ZNF236: variants seen among roughly 807,000 people sequenced by gnomAD.
The protein encoded by ZNF236 is zinc finger protein 236, also known as regulated by glucose.
A neutral mutation model predicts 191.2 loss-of-function variants in ZNF236; 50 were observed. That is an observed-to-expected ratio of 0.26 (90% CI 0.21 to 0.33). The LOEUF (loss-of-function observed/expected upper bound fraction) is 0.33, where lower values mean the gene tolerates loss of function less well. Among genes scored for constraint, ZNF236 ranks in the 10% least tolerant of loss-of-function variants. The pLI is 1.00. For synonymous variants in ZNF236, 907 were observed against 928.8 expected, an observed-to-expected ratio of 0.98 and a Z score of 0.43; for missense variants, 1,754 against 2,374.5, an observed-to-expected ratio of 0.74 and a Z score of 5.43.
chr18:76,967,745 G>T (rs970408786), intron 30 of ZNF236, among the ~76,000 whole-genome samples: 1 of 146,410 alleles, frequency 6.8e-6, no homozygotes, highest in Non-Finnish European at 1.5e-5. Flanking sequence ...AGGCTTGCAG[G>T]TGTTCTTTGG....
At chr18:76,955,138 G>C (rs534508282) in intron 27 of ZNF236, among the ~76,000 whole-genome samples, 3 of 152,322 alleles carry the variant, frequency 2.0e-5, no homozygotes, top group Admixed American at 6.5e-5. Context: ...GCCAGGTACA[G>C]TGTCTCACAC....
intron 5 of ZNF236, among the ~76,000 whole-genome samples, chr18:76,874,124 G>A (rs1053223891): frequency 2.6e-5 from 4 of 151,980 alleles, no homozygotes; most frequent in African/African-American, 9.7e-5. Flanking sequence ...CCCCATGCAG[G>A]CAGAGCCGTG....
intron 1 of ZNF236, among the ~76,000 whole-genome samples, chr18:76,827,129 C>G (rs775895432): frequency 3.9e-5 from 6 of 152,118 alleles, no homozygotes; most frequent in Admixed American, 6.5e-5. Context: ...CTCCTGACCT[C>G]GGGTGATCCT....
At position 76,920,078 on chromosome 18, in the gene ZNF236, G is replaced by A. The variant is rs776128956; in HGVS notation, c.3557+20G>A. ...GGTGAGGTGAGGGCATGGCTACGCC[G>A]CGCGGGTTCCGCTCTGAAGACTGGA... On this transcript the variant is annotated intron_variant, in intron 20 of 30. Coordinates refer to ENST00000320610, the MANE Select transcript of ZNF236 (RefSeq NM_001306089.2). 8.1e-5 allele frequency: 130 copies of A among 1,603,938 alleles called. No individual in the cohort carries two copies. The highest frequency in any genetic ancestry group is 4.4e-5 in the South Asian group (4 of 90,340).
intron 1 of ZNF236, among the ~76,000 whole-genome samples, chr18:76,823,583 C>T (rs1003875138): frequency 7.9e-5 from 12 of 152,210 alleles, no homozygotes; most frequent in African/African-American, 2.9e-4. Flanking sequence ...GTAATTTATT[C>T]TCCATGGTAC....
chr18:76,934,981 G>A (rs1967956144), intron 25 of ZNF236, among the ~76,000 whole-genome samples: 1 of 152,200 alleles, frequency 6.6e-6, no homozygotes, highest in African/African-American at 2.4e-5. Context: ...GAATCATAAA[G>A]TCAGACTTGT....
At chr18:76,849,689 T>A in intron 2 of ZNF236, 21 bp downstream of exon 2, 2 of 1,504,068 alleles carry the variant, frequency 1.3e-6, no homozygotes, top group Admixed American at 2.4e-5. Context: ...TCAAAGGTGA[T>A]GTCAGGAATG....
chr18:76,887,847 T>C (rs1977103407), intron 9 of ZNF236: 1 of 152,244 alleles, frequency 6.6e-6, no homozygotes, highest in Admixed American at 6.5e-5. Context: ...CCACGACATG[T>C]GGGGATTATT....
At chr18:76,862,652 C>T (rs964694283) in intron 3 of ZNF236, among the ~76,000 whole-genome samples, 4 of 152,170 alleles carry the variant, frequency 2.6e-5, no homozygotes, top group Admixed American at 2.6e-4. Context: ...TTGGGCCTCC[C>T]TCCCCATCAG....
At chr18:76,873,032 TTTTA>T (rs1282033869) in intron 5 of ZNF236, among the ~76,000 whole-genome samples, 1 of 152,206 alleles carries the variant, frequency 6.6e-6, no homozygotes, top group African/African-American at 2.4e-5. Context: ...GAGCATCAGT[TTTTA>T]TTTATTTTCT....
At chr18:76,907,305 T>C (rs1296477220) in intron 13 of ZNF236, among the ~76,000 whole-genome samples, 1 of 152,224 alleles carries the variant, frequency 6.6e-6, no homozygotes, top group Non-Finnish European at 1.5e-5. Context: ...GTATGGTCTG[T>C]GTGTGCAGAG....
Position 76,928,105 on chromosome 18 carries a change from C to T in ZNF236, c.4593C>T (p.Ser1531=), listed in dbSNP as rs181077983. 2.9e-4 allele frequency: 459 copies of T among 1,604,838 alleles called. 1 individual carries two copies. Among genetic ancestry groups the T allele is most frequent in the African/African-American group, 6.0e-4 (45 of 74,580 alleles). Residue 1531 remains serine (S), a splice_region_variant and synonymous_variant, in exon 25 of 31, where the codon TCC becomes TCT. Transcript: ENST00000320610. ...CACAGGAAATTACCCTGACTATCTC[C>T]GGTTAGTAAGTTATAATTTTAAACA... ...GSPQEITLTI[S]ELNTTSGSLP... is the part of the protein sequence containing the mutation.
At position 76,912,365 on chromosome 18, in the gene ZNF236, C is replaced by G. The variant is rs755147754; in HGVS notation, c.2909+18C>G. 2.5e-6 allele frequency: 4 copies of G among 1,594,518 alleles called. No individual in the cohort carries two copies. The Admixed American group carries it at 6.7e-5, about 27-fold the overall frequency. On this transcript the variant is annotated intron_variant, in intron 17 of 30. Transcript: ENST00000320610. Reference sequence around the variant, plus strand: ...TCTTACAGGTAGTTGTCTGCACAGACCAGCTCATGGTATTGCCGGCTCCCA... The same window carrying G: ...TCTTACAGGTAGTTGTCTGCACAGAGCAGCTCATGGTATTGCCGGCTCCCA...
In ZNF236 at chr18:76,875,066, G is replaced by C. The variant is rs1039877882; in HGVS notation, c.668-426G>C. On this transcript the variant is annotated intron_variant, in intron 5 of 30. Coordinates refer to ENST00000320610, the MANE Select transcript of ZNF236 (RefSeq NM_001306089.2). This position sits in a 1 kb window ranked among gnomAD's most constrained non-coding sequence, Gnocchi z 4.3. ...GAAGCAGTGAGTCAAGCTGGGGGTG[G>C]TTTCAGGAGCTTTGAGTGATAGGGG... 1.3e-5 allele frequency among the ~76,000 whole-genome samples: 2 copies of C among 152,186 alleles called. No individual in the cohort carries two copies. Among genetic ancestry groups the C allele is most frequent in the African/African-American group, 4.8e-5 (2 of 41,438 alleles).
rs574784241 is a variant in ZNF236, at chr18:76,923,313, T to C, written c.3661+139T>C. 7.9e-4 allele frequency: 445 copies of C among 563,242 alleles called. 3 individuals are homozygous for C. The highest frequency in any genetic ancestry group is 2.4e-3 in the South Asian group (87 of 36,248). The allele number at this position is 563,242 out of a possible 1,614,324, so 34.9% of individuals were successfully genotyped here. A position where few individuals can be genotyped will look rare whatever the true frequency, so the allele number is the denominator to read the frequency against. The stretch of plus-strand genomic sequence containing the variant: ...ATGAGGCACCAAGAAGGAAGTGATA[T>C]AAAAGATTTTTTTATTCCTGACACA... On this transcript the variant is annotated intron_variant, in intron 21 of 30. Coordinates refer to ENST00000320610, the MANE Select transcript of ZNF236 (RefSeq NM_001306089.2).
intron 10 of ZNF236, among the ~76,000 whole-genome samples, chr18:76,896,770 C>T (rs1568218019): frequency 6.6e-6 from 1 of 151,622 alleles, no homozygotes; most frequent in African/African-American, 2.4e-5. Flanking sequence ...CAGTACAGCA[C>T]ACAGGTACTG....
Position 76,880,119 on chromosome 18 carries a change from CT to C in ZNF236, c.996del (p.Gln333ArgfsTer24). The C allele has an allele frequency of 6.2e-7, 1 of 1,608,680 alleles. No individual in the cohort carries two copies. ...TETAHVLTATLFQTLPLQQTE... is the reference protein window; with the variant it reads ...TETAHVLTATXFQTLPLQQTE... ...AAATGTTTCTGTGTTTCAGGCCACACTTTTTCAGACGTTACCTCTTCAACAG... is the reference window on the plus strand; with the variant it reads ...AAATGTTTCTGTGTTTCAGGCCACACTTTTCAGACGTTACCTCTTCAACAG... On this transcript the variant is annotated frameshift_variant, in exon 8 of 31. Transcript: ENST00000320610. LOFTEE classifies it high-confidence loss of function. The surrounding 1 kb of genome is among the most constrained non-coding windows in gnomAD (Gnocchi z 5.0).
intron 3 of ZNF236, among the ~76,000 whole-genome samples, chr18:76,855,851 C>T (rs906043379): frequency 6.6e-6 from 1 of 152,000 alleles, no homozygotes; most frequent in Non-Finnish European, 1.5e-5. Flanking sequence ...AGTGACCTGG[C>T]CCAGAACATC....
chr18:76,945,494 T>C (rs569908163), intron 26 of ZNF236, among the ~76,000 whole-genome samples: 5 of 152,214 alleles, frequency 3.3e-5, no homozygotes, highest in Non-Finnish European at 7.4e-5. Context: ...TTTGTTAGTA[T>C]AGGTAGGAAC....
Sources: allele counts gnomAD v4.1 joint callset (sites outside exome capture counted in the v4.1 genomes callset), GRCh38; gene constraint gnomAD v4.1.1; non-coding constraint Gnocchi (gnomAD v3.1); transcripts MANE v1.5; gene names NCBI Gene and HGNC (gene_info 2026-07-23, HGNC 2026-07-21).